SASS6: variants seen among roughly 807,000 people sequenced by gnomAD.
SASS6 encodes the protein spindle assembly abnormal protein 6 homolog.
SASS6 carries 59 observed loss-of-function variants against 94.9 expected under a neutral mutation model. The ratio of observed to expected loss-of-function variants is 0.62; its 90% CI spans 0.50 to 0.77. The LOEUF is 0.77. Among genes scored for constraint, SASS6 ranks in the 30% least tolerant of loss-of-function variants. The pLI, the probability that SASS6 is intolerant of heterozygous loss-of-function variation, is 0.00. For missense variants in SASS6, 698 were observed against 734.1 expected, an observed-to-expected ratio of 0.95 and a Z score of 0.57; for synonymous variants, 264 against 270.0, an observed-to-expected ratio of 0.98 and a Z score of 0.22.
intron 7 of SASS6, among the ~76,000 whole-genome samples, chr1:100,112,742 A>G (rs1653441711): frequency 6.6e-6 from 1 of 152,236 alleles, no homozygotes; most frequent in South Asian, 2.1e-4. Flanking sequence ...GAGAAAGAGC[A>G]CACTATGGCA....
intron 2 of SASS6, among the ~76,000 whole-genome samples, chr1:100,124,538 A>AT (rs1300463513): frequency 6.6e-6 from 1 of 152,098 alleles, no homozygotes; most frequent in East Asian, 1.9e-4. Flanking sequence ...GTGCCACCAC[A>AT]TTCAGCTAAT....
intron 13 of SASS6, 67 bp from the exon 14 acceptor site, chr1:100,103,150 G>C (rs1056159429): frequency 3.8e-5 from 39 of 1,029,422 alleles, no homozygotes; most frequent in Non-Finnish European, 5.0e-5. Context: ...TGTTGATCAG[G>C]TGGCATTAGC....
chr1:100,131,292 C>A (rs1655005601), intron 1 of SASS6, among the ~76,000 whole-genome samples: 1 of 151,650 alleles, frequency 6.6e-6, no homozygotes, highest in Non-Finnish European at 1.5e-5. Context: ...TAGGCTCAAG[C>A]AATCCTCCTG....
intron 1 of SASS6, among the ~76,000 whole-genome samples, chr1:100,131,194 CTTTTTT>C (rs1172504404): frequency 9.7e-5 from 14 of 144,424 alleles, no homozygotes; most frequent in Non-Finnish European, 9.2e-5. Flanking sequence ...TTTTCTTTTT[CTTTTTT>C]TTTTTTCAGA....
At chr1:100,085,753 C>G in intron 15 of SASS6, 123 bp from the exon 16 acceptor site, 1 of 588,522 alleles carries the variant, frequency 1.7e-6, no homozygotes, top group Admixed American at 3.2e-5. Flanking sequence ...TAGCTTTGTT[C>G]AGAACACATT....
chr1:100,107,224 A>T (rs1652973486), intron 11 of SASS6, 150 bp downstream of exon 11: 1 of 617,608 alleles, frequency 1.6e-6, no homozygotes, highest in Admixed American at 3.2e-5. Flanking sequence ...TTCCAAACTG[A>T]AACAGGTTAT....
At chr1:100,118,240 G>A (rs971934296) in intron 7 of SASS6, among the ~76,000 whole-genome samples, 18 of 152,094 alleles carry the variant, frequency 1.2e-4, no homozygotes, top group South Asian at 2.1e-4. Context: ...GCTTGAACCC[G>A]GGAGGCAGAG....
chr1:100,107,262 T>G (rs1412455641), intron 11 of SASS6, 112 bp downstream of exon 11: 1 of 702,110 alleles, frequency 1.4e-6, no homozygotes, highest in Non-Finnish European at 2.4e-6. Flanking sequence ...AGTCATGTTC[T>G]TTTGTTAAAA....
chr1:100,113,812 A>G (rs1201041475), intron 7 of SASS6, among the ~76,000 whole-genome samples: 1 of 152,110 alleles, frequency 6.6e-6, no homozygotes, highest in African/African-American at 2.4e-5. Context: ...AATAATATGG[A>G]GATTTTAAAA....
At chr1:100,109,733 C>A (rs72973327) in intron 8 of SASS6, among the ~76,000 whole-genome samples, 1 of 152,000 alleles carries the variant, frequency 6.6e-6, no homozygotes. Context: ...ACTTATTTAA[C>A]CTTTCTGTGC....
At chr1:100,101,032 C>T (rs1379228669) in intron 14 of SASS6, among the ~76,000 whole-genome samples, 1 of 151,828 alleles carries the variant, frequency 6.6e-6, no homozygotes, top group African/African-American at 2.4e-5. Flanking sequence ...TTATCATGAA[C>T]CAGGTACTAT....
At chr1:100,131,200 T>C (rs1028295666) in intron 1 of SASS6, among the ~76,000 whole-genome samples, 1 of 151,760 alleles carries the variant, frequency 6.6e-6, no homozygotes, top group Non-Finnish European at 1.5e-5. Context: ...TTTTCTTTTT[T>C]TTTTTTCAGA....
Position 100,085,101 on chromosome 1 carries a change from T to C in SASS6, c.*227A>G, listed in dbSNP as rs1651140872. ...ATTCATATTATTCTATAAAACGCCA[T>C]GTTCACAAACCAAAAAATGTCATTT... On this transcript the variant is annotated 3_prime_UTR_variant, in exon 17 of 17. Transcript: ENST00000287482. 2.1e-6 allele frequency: 1 copy of C among 473,180 alleles called. No individual in the cohort carries two copies. 29.3% of individuals were successfully genotyped at this position (473,180 alleles called of 1,614,324 possible).
At chr1:100,116,122 G>A (rs1025482020) in intron 7 of SASS6, among the ~76,000 whole-genome samples, 2 of 152,094 alleles carry the variant, frequency 1.3e-5, no homozygotes, top group African/African-American at 4.8e-5. Flanking sequence ...AAAAGATGCT[G>A]GCAAATGACA....
chr1:100,126,269 A>T (rs59788619), intron 1 of SASS6, among the ~76,000 whole-genome samples: 4,799 of 152,302 alleles, frequency 0.032, 272 homozygotes, highest in African/African-American at 0.11. Context: ...AGTAACATCT[A>T]TTGAAAGACA....
intron 14 of SASS6, among the ~76,000 whole-genome samples, chr1:100,093,883 T>C (rs1651933699): frequency 6.6e-6 from 1 of 152,228 alleles, no homozygotes; most frequent in South Asian, 2.1e-4. Context: ...ATTAAATGTT[T>C]AGATTAACAT....
chr1:100,120,463 T>C lies in SASS6; in HGVS notation c.484-4A>G. The stretch of plus-strand genomic sequence containing the variant: ...GCATCAATGATAATTTTTCTTCCTA[T>C]TCATAAAAATAATAAAATTACACAG... On this transcript the variant is annotated splice_polypyrimidine_tract_variant and splice_region_variant and intron_variant, in intron 5 of 16. Coordinates refer to ENST00000287482, the MANE Select transcript of SASS6 (RefSeq NM_194292.3). 3 of 1,297,748 alleles carry C rather than the reference T, an allele frequency of 2.3e-6. No homozygotes were observed. The highest frequency in any genetic ancestry group is 3.4e-6 in the Non-Finnish European group (3 of 892,778). 80.4% of individuals were successfully genotyped at this position (1,297,748 alleles called of 1,614,324 possible). A position where few individuals can be genotyped will look rare whatever the true frequency, so the allele number is the denominator to read the frequency against.
At chr1:100,102,863 A>C in intron 14 of SASS6, 92 bp downstream of exon 14, 1 of 978,906 alleles carries the variant, frequency 1.0e-6, no homozygotes, top group South Asian at 1.6e-5. Context: ...AACTGACCAA[A>C]GAATAAATGA....
intron 2 of SASS6, among the ~76,000 whole-genome samples, chr1:100,125,393 G>T (rs187240030): frequency 6.6e-6 from 1 of 151,430 alleles, no homozygotes; most frequent in Non-Finnish European, 1.5e-5. Context: ...AGAAATATAT[G>T]GTATAGGCCG....
Sources: allele counts gnomAD v4.1 joint callset (sites outside exome capture counted in the v4.1 genomes callset), GRCh38; gene constraint gnomAD v4.1.1; transcripts MANE v1.5; gene names NCBI Gene and HGNC (gene_info 2026-07-23, HGNC 2026-07-21).